DAPK1: variants seen among roughly 807,000 people sequenced by gnomAD.
DAPK1 encodes the protein death-associated protein kinase 1.
In DAPK1, 56 loss-of-function variants were observed where a neutral mutation model predicts 144.9. The ratio of observed to expected loss-of-function variants is 0.39; its 90% confidence interval spans 0.31 to 0.48. DAPK1 has a LOEUF of 0.48. DAPK1 is among the 20% of genes least tolerant of loss of function. The pLI, the probability that DAPK1 is intolerant of heterozygous loss-of-function variation, is 0.95. For synonymous variants in DAPK1, 690 were observed against 749.0 expected (o/e 0.92, Z 1.29); for missense variants, 1,454 against 1,875.4 (o/e 0.78, Z 4.15).
intron 16 of DAPK1, 129 bp from the exon 17 acceptor site, chr9:87,651,398 C>G: frequency 3.5e-6 from 3 of 863,816 alleles, no homozygotes; most frequent in Non-Finnish European, 5.6e-6. Context: ...CATTTAAATC[C>G]TCCACTAGGG....
chr9:87,661,380 G>C (rs749841686), intron 18 of DAPK1, among the ~76,000 whole-genome samples: 5 of 152,152 alleles, frequency 3.3e-5, no homozygotes, highest in African/African-American at 9.7e-5. Flanking sequence ...CATTTGAGAA[G>C]TTGCTGTGCG....
rs1353502392 is a variant in DAPK1 at position 87,647,394 on chromosome 9, G to A, written c.1320G>A (p.Val440=). 4.3e-6 allele frequency: 7 copies of A among 1,613,924 alleles called. No individual in the cohort carries two copies. The highest frequency in any genetic ancestry group is 5.9e-6 in the Non-Finnish European group (7 of 1,179,928). Residue 440 remains valine, a synonymous_variant, in exon 14 of 26, where the codon GTG becomes GTA. Coordinates refer to ENST00000408954, the MANE Select transcript of DAPK1 (RefSeq NM_004938.4). ...GTGAGAACAAATGCCCTTTGGATGT[G>A]AAAGACAAGGTAAGGCCACTTCTCT... The part of the protein sequence containing the change: ...FLSENKCPLD[V]KDKSGEMALH...
intron 2 of DAPK1, among the ~76,000 whole-genome samples, chr9:87,558,771 C>T (rs1442956747): frequency 6.6e-6 from 1 of 152,204 alleles, no homozygotes; most frequent in South Asian, 2.1e-4. Context: ...TCAGTTAGAG[C>T]CTGCTCTGTG....
At chr9:87,656,833 AT>A (rs1162767620) in intron 17 of DAPK1, among the ~76,000 whole-genome samples, 1 of 152,130 alleles carries the variant, frequency 6.6e-6, no homozygotes, top group Non-Finnish European at 1.5e-5. Flanking sequence ...TGTTTAAATT[AT>A]TTCTCTCCTG....
chr9:87,531,933 T>A (rs1045705667), intron 2 of DAPK1, among the ~76,000 whole-genome samples: 2 of 152,198 alleles, frequency 1.3e-5, no homozygotes, highest in Non-Finnish European at 2.9e-5. Flanking sequence ...TTCTAGGAAA[T>A]GCTTAATGCT....
intron 2 of DAPK1, among the ~76,000 whole-genome samples, chr9:87,506,366 C>A (rs1201309105): frequency 1.3e-5 from 2 of 152,226 alleles, no homozygotes; most frequent in East Asian, 3.8e-4. Context: ...CTTTCGCAGG[C>A]CTTAACGACA....
At chr9:87,534,245 A>AGTT (rs1554678265) in intron 2 of DAPK1, among the ~76,000 whole-genome samples, 4 of 103,312 alleles carry the variant, frequency 3.9e-5, no homozygotes, top group Admixed American at 2.4e-4. Context: ...TCATTTTGAC[A>AGTT]GTTTTTTTTT....
intron 21 of DAPK1, among the ~76,000 whole-genome samples, chr9:87,690,471 T>C (rs1825015452): frequency 6.6e-6 from 1 of 152,082 alleles, no homozygotes; most frequent in African/African-American, 2.4e-5. Flanking sequence ...AGGGACAATT[T>C]GGGTTTCTCT....
In DAPK1 at chr9:87,606,550, C is replaced by CTA. The variant is rs1315832861; in HGVS notation, c.284+1376_284+1377insAT. 9.1e-4 allele frequency among the ~76,000 whole-genome samples: 104 copies of CTA among 114,150 alleles called. 2 individuals carry two copies. Among genetic ancestry groups the CTA allele is most frequent in the African/African-American group, 3.3e-3 (99 of 29,600 alleles). The allele number at this position is 114,150 out of a possible 152,430, so 74.9% of individuals were successfully genotyped here. A position where few individuals can be genotyped will look rare whatever the true frequency, so the allele number is the denominator to read the frequency against. On this transcript the variant is annotated intron_variant, in intron 3 of 25. Coordinates refer to ENST00000408954, the MANE Select transcript of DAPK1 (RefSeq NM_004938.4). ...CCTTCCTTCCCCCCTCCCTCCCTCT[C>CTA]TCCCTCTCTCCCTCCCTCCGTCTCC... is the stretch of plus-strand genomic sequence containing the variant.
chr9:87,633,118 TAAAG>T lies in DAPK1; in HGVS notation c.285-4819_285-4816del, dbSNP rs370218251. ...AGGAGGATGAGTACATATGTAGAAA[TAAAG>T]AAAGATGAGTGTACATGTAGGGATG... On this transcript the variant is annotated intron_variant, in intron 3 of 25. Transcript: ENST00000408954. The T allele has an allele frequency of 9.8e-4, 963 of 982,448 alleles. 3 individuals carry two copies. In the Middle Eastern group the frequency reaches 0.015, roughly 16 times the overall value. The allele number at this position is 982,448 out of a possible 1,614,324, so 60.9% of individuals were successfully genotyped here.
Position 87,497,935 on chromosome 9 carries a change from A to T in DAPK1, c.-281A>T, listed in dbSNP as rs945011911. ...GGACTTTGTTCCCTCCGCGGAGGGG[A>T]CTCGGCAACTCGCAGCGGCAGGGTC... On this transcript the variant is annotated 5_prime_UTR_variant, in exon 1 of 26. Transcript: ENST00000408954. 1.3e-5 allele frequency: 5 copies of T among 395,928 alleles called. No homozygotes were observed. Among genetic ancestry groups the T allele is most frequent in the African/African-American group, 2.1e-5 (1 of 48,492 alleles). 24.5% of individuals were successfully genotyped at this position (395,928 alleles called of 1,614,324 possible).
chr9:87,669,223 T>C (rs1831168196), intron 19 of DAPK1, among the ~76,000 whole-genome samples: 1 of 152,092 alleles, frequency 6.6e-6, no homozygotes, highest in Non-Finnish European at 1.5e-5. Context: ...GTAATAAAAA[T>C]TGGAAACACA....
intron 3 of DAPK1, among the ~76,000 whole-genome samples, chr9:87,630,760 C>A (rs1287322405): frequency 6.6e-6 from 1 of 152,118 alleles, no homozygotes; most frequent in Non-Finnish European, 1.5e-5. Context: ...TCTTAAAATA[C>A]CAGAGCTGGA....
At chr9:87,654,841 C>T (rs1013649461) in intron 17 of DAPK1, among the ~76,000 whole-genome samples, 6 of 152,110 alleles carry the variant, frequency 3.9e-5, no homozygotes, top group African/African-American at 1.4e-4. Flanking sequence ...GTGCTTTGCC[C>T]TAACCTCAAC....
chr9:87,542,595 G>A (rs145232476), intron 2 of DAPK1, among the ~76,000 whole-genome samples: 1 of 152,282 alleles, frequency 6.6e-6, no homozygotes, highest in Non-Finnish European at 1.5e-5. Flanking sequence ...AAGTACCTAT[G>A]GTACTGGTTG....
chr9:87,579,618 G>A (rs866124254), intron 2 of DAPK1, among the ~76,000 whole-genome samples: 2 of 152,256 alleles, frequency 1.3e-5, no homozygotes, highest in Middle Eastern at 6.8e-3. Context: ...GAAAAGCTGG[G>A]AAGGACAAGA....
At chr9:87,591,729 G>C (rs1828142721) in intron 2 of DAPK1, among the ~76,000 whole-genome samples, 1 of 152,186 alleles carries the variant, frequency 6.6e-6, no homozygotes. Flanking sequence ...GGAAAAATGA[G>C]TTCTGTTATT....
At position 87,648,837 on chromosome 9, in the gene DAPK1, G is replaced by T. The variant is rs1293429306; in HGVS notation, c.1386G>T (p.Gln462His). ...AARYGHADVA[Q>H]LLCSFGSNPN... is the part of the protein sequence containing the mutation. The stretch of plus-strand genomic sequence containing the variant: ...GCTATGGCCATGCTGACGTGGCTCA[G>T]TTACTGTGCAGCTTCGGCTCAAATC... Residue 462 changes from glutamine (Q) to histidine (H), a missense_variant, in exon 15 of 26, where the codon CAG (glutamine) becomes CAT (histidine). By Grantham distance (24) the Gln-to-His change is conservative. Coordinates refer to ENST00000408954, the MANE Select transcript of DAPK1 (RefSeq NM_004938.4). The T allele has an allele frequency of 6.2e-7, 1 of 1,614,138 alleles. No individual in the cohort carries two copies. Among genetic ancestry groups the T allele is most frequent in the Non-Finnish European group, 8.5e-7 (1 of 1,180,048 alleles).
intron 2 of DAPK1, among the ~76,000 whole-genome samples, chr9:87,569,623 T>A (rs971730171): frequency 6.6e-6 from 1 of 152,198 alleles, no homozygotes; most frequent in African/African-American, 2.4e-5. Context: ...TGATAGGCCA[T>A]GTTTTTCAAA....
Sources: gnomAD v4.1 joint callset for allele counts (sites outside exome capture counted in the v4.1 genomes callset) on GRCh38, gnomAD v4.1.1 for gene constraint, MANE v1.5 for transcripts, NCBI Gene and HGNC (gene_info 2026-07-23, HGNC 2026-07-21) for gene names.